The following RSRC1 variants were observed in gnomAD, a reference collection of about 807,000 sequenced individuals.
RSRC1 encodes the protein arginine and serine rich coiled-coil 1, also known as serine/Arginine-related protein 53.
A neutral mutation model predicts 49.1 loss-of-function variants in RSRC1; 39 were observed. The observed-to-expected ratio is 0.79, with a 90% CI of 0.61 to 1.04. The LOEUF is 1.04. RSRC1 is among the 50% of genes least tolerant of loss of function. The probability of loss-of-function intolerance (pLI) is 0.00; values close to 1 mark genes in which losing one functional copy is unlikely to be tolerated. For missense variants in RSRC1, 388 were observed against 402.4 expected (o/e 0.96, Z 0.31); for synonymous variants, 143 against 130.8 (o/e 1.09, Z -0.63).
intron 4 of RSRC1, among the ~76,000 whole-genome samples, chr3:158,230,571 T>C (rs1189884613): frequency 1.3e-5 from 2 of 152,154 alleles, no homozygotes; most frequent in East Asian, 1.9e-4. Flanking sequence ...CATATCATTC[T>C]GCTACAGCAA....
chr3:158,115,896 T>C (rs1221622201), intron 1 of RSRC1, among the ~76,000 whole-genome samples: 2 of 152,228 alleles, frequency 1.3e-5, no homozygotes, highest in Non-Finnish European at 2.9e-5. Context: ...TGTTTTAATA[T>C]GGTTTTTGAA....
At chr3:158,498,172 A>G (rs1014089022) in intron 7 of RSRC1, among the ~76,000 whole-genome samples, 7 of 151,194 alleles carry the variant, frequency 4.6e-5, no homozygotes, top group Non-Finnish European at 7.4e-5. Flanking sequence ...CAGCTGTATT[A>G]GTTTACATTC....
Position 158,539,454 on chromosome 3 carries a change from C to G in RSRC1, c.759+2256C>G, listed in dbSNP as rs1434108509. 6.6e-6 allele frequency among the ~76,000 whole-genome samples: 1 copy of G among 152,062 alleles called. No homozygotes were observed. Among genetic ancestry groups the G allele is most frequent in the Admixed American group, 6.6e-5 (1 of 15,262 alleles). ...ATATCATTGAGGAACCAAGATGCAG[C>G]TTGTTTTCAAACTTAGTATGAGTTA... On this transcript the variant is annotated intron_variant, in intron 8 of 9. Transcript: ENST00000611884. This position sits in a 1 kb window ranked among gnomAD's most constrained non-coding sequence, Gnocchi z 4.1.
intron 3 of RSRC1, among the ~76,000 whole-genome samples, chr3:158,202,133 GCTT>G (rs887656476): frequency 2.0e-5 from 3 of 152,070 alleles, no homozygotes; most frequent in African/African-American, 7.2e-5. Context: ...TCCTGTTTCA[GCTT>G]CTTGAGTAGC....
chr3:158,270,963 T>C (rs959321765), intron 4 of RSRC1, among the ~76,000 whole-genome samples: 20 of 152,150 alleles, frequency 1.3e-4, no homozygotes, highest in African/African-American at 4.8e-4. Context: ...CTTGAAAGAA[T>C]TGGGTGAACT....
intron 5 of RSRC1, among the ~76,000 whole-genome samples, chr3:158,307,541 A>G (rs1203561828): frequency 6.6e-6 from 1 of 151,904 alleles, no homozygotes; most frequent in African/African-American, 2.4e-5. Flanking sequence ...GGACCGTATT[A>G]ATATTACATT....
chr3:158,355,356 T>A (rs1731099730), intron 6 of RSRC1, among the ~76,000 whole-genome samples: 2 of 151,646 alleles, frequency 1.3e-5, no homozygotes, highest in African/African-American at 2.4e-5. Context: ...TGGCTTTTAT[T>A]TATATAAAAT....
intron 9 of RSRC1, 69 bp downstream of exon 9, chr3:158,543,556 C>T (rs1320548644): frequency 6.8e-7 from 1 of 1,472,204 alleles, no homozygotes; most frequent in South Asian, 1.4e-5. Flanking sequence ...ATCTGTTATC[C>T]TTTTGTGCTA....
intron 6 of RSRC1, among the ~76,000 whole-genome samples, chr3:158,402,820 G>GT (rs1176044989): frequency 6.6e-6 from 1 of 151,730 alleles, no homozygotes; most frequent in Non-Finnish European, 1.5e-5. Flanking sequence ...TTTCTCTGTT[G>GT]TCCTCATTGG....
intron 7 of RSRC1, among the ~76,000 whole-genome samples, chr3:158,526,299 C>G (rs2108494969): frequency 6.6e-6 from 1 of 152,048 alleles, no homozygotes; most frequent in African/African-American, 2.4e-5. Context: ...GATTGAAAGG[C>G]TACAGAGCAG....
chr3:158,535,484 G>A (rs1053037005), intron 7 of RSRC1, among the ~76,000 whole-genome samples: 2 of 149,830 alleles, frequency 1.3e-5, no homozygotes, highest in African/African-American at 4.9e-5. Flanking sequence ...CATATCTCAC[G>A]TACTGAAGAG....
intron 7 of RSRC1, among the ~76,000 whole-genome samples, chr3:158,499,650 A>G (rs1739503601): frequency 6.6e-6 from 1 of 152,140 alleles, no homozygotes; most frequent in African/African-American, 2.4e-5. Context: ...CTATTGTAAA[A>G]GGGGCTGAGT....
At chr3:158,510,661 A>G (rs1015962347) in intron 7 of RSRC1, among the ~76,000 whole-genome samples, 2 of 152,194 alleles carry the variant, frequency 1.3e-5, no homozygotes, top group Non-Finnish European at 2.9e-5. Context: ...AAACAATCCA[A>G]TTATACTTTT....
intron 4 of RSRC1, among the ~76,000 whole-genome samples, chr3:158,240,536 C>T (rs1468926250): frequency 2.0e-5 from 3 of 152,082 alleles, no homozygotes; most frequent in African/African-American, 7.2e-5. Flanking sequence ...GGTTTATTTA[C>T]TTAATGATTT....
At chr3:158,279,108 C>T (rs995253352) in intron 4 of RSRC1, among the ~76,000 whole-genome samples, 19 of 152,148 alleles carry the variant, frequency 1.2e-4, no homozygotes, top group African/African-American at 4.3e-4. Context: ...GATTCTTATA[C>T]ACTGGTATTA....
In RSRC1 at chr3:158,331,704, A is replaced by G. The variant is rs1465911860; in HGVS notation, c.532-23153A>G. The stretch of plus-strand genomic sequence containing the variant: ...TAGTTTAATCTTGAAGTTTTTTTGA[A>G]GTGTATTCATTTTCCTTATTGGAAT... On this transcript the variant is annotated intron_variant, in intron 5 of 9. Transcript: ENST00000611884. Among the ~76,000 whole-genome samples the G allele has an allele frequency of 1.3e-4, 20 of 152,088 alleles. No homozygotes were observed. In the East Asian group the frequency reaches 3.9e-3, roughly 29 times the overall value.
chr3:158,380,622 T>C (rs1181714382), intron 6 of RSRC1, among the ~76,000 whole-genome samples: 1 of 152,190 alleles, frequency 6.6e-6, no homozygotes, highest in Non-Finnish European at 1.5e-5. Context: ...TTTTTAGATA[T>C]ATAGTTTGGT....
intron 3 of RSRC1, among the ~76,000 whole-genome samples, chr3:158,141,189 A>G (rs527520026): frequency 1.3e-5 from 2 of 152,332 alleles, no homozygotes; most frequent in East Asian, 1.9e-4. Context: ...AGAGACTTTC[A>G]AAAGAAGTCC....
intron 4 of RSRC1, among the ~76,000 whole-genome samples, chr3:158,256,431 G>C (rs1724564919): frequency 6.6e-6 from 1 of 152,158 alleles, no homozygotes; most frequent in Admixed American, 6.5e-5. Context: ...TGGTGGAAAA[G>C]CTTTTTGATG....
Sources: allele counts gnomAD v4.1 joint callset (sites outside exome capture counted in the v4.1 genomes callset), GRCh38; gene constraint gnomAD v4.1.1; non-coding constraint Gnocchi (gnomAD v3.1); transcripts MANE v1.5; gene names NCBI Gene and HGNC (gene_info 2026-07-23, HGNC 2026-07-21).